CMC2: variants seen among roughly 807,000 people sequenced by gnomAD.
CMC2 encodes the protein C-X9-C motif containing 2.
Under a neutral mutation model 7.5 loss-of-function variants are expected in CMC2, and 5 were observed. The observed-to-expected ratio is 0.66, with a 90% CI of 0.35 to 1.40. The LOEUF (loss-of-function observed/expected upper bound fraction) is 1.40. CMC2 is among the 40% of genes most tolerant of loss of function. The probability of loss-of-function intolerance (pLI) is 0.04; values close to 1 mark genes in which losing one functional copy is unlikely to be tolerated. For missense variants in CMC2, 115 were observed against 92.3 expected (o/e 1.25, Z -1.01); for synonymous variants, 37 against 31.4 (o/e 1.18, Z -0.60).
At chr16:80,986,391 G>C (rs889631369) in intron 2 of CMC2, among the ~76,000 whole-genome samples, 4 of 151,730 alleles carry the variant, frequency 2.6e-5, no homozygotes, top group Non-Finnish European at 5.9e-5. Context: ...ATTCCTAACA[G>C]CTACAGTGAG....
chr16:81,000,880 AG>A (rs1968815472), intron 1 of CMC2, among the ~76,000 whole-genome samples: 1 of 152,254 alleles, frequency 6.6e-6, no homozygotes, highest in South Asian at 2.1e-4. Context: ...TTTTACAAAA[AG>A]AAAAACATGC....
At chr16:80,993,177 C>G (rs1358276143) in intron 2 of CMC2, among the ~76,000 whole-genome samples, 2 of 152,180 alleles carry the variant, frequency 1.3e-5, no homozygotes, top group African/African-American at 4.8e-5. Context: ...ACTTCTGCTT[C>G]TAGCCATGAA....
intron 2 of CMC2, among the ~76,000 whole-genome samples, chr16:80,990,258 T>C (rs568956653): frequency 6.6e-6 from 1 of 151,998 alleles, no homozygotes; most frequent in African/African-American, 2.4e-5. Context: ...GCAACCTCTG[T>C]CTCCCAGGTT....
At chr16:80,994,351 C>T (rs1968239555) in intron 2 of CMC2, among the ~76,000 whole-genome samples, 1 of 148,518 alleles carries the variant, frequency 6.7e-6, no homozygotes, top group Non-Finnish European at 1.5e-5. Flanking sequence ...CCTTAAGACA[C>T]AAAAAGCACA....
At chr16:80,988,165 CAG>C (rs1967687087) in intron 2 of CMC2, among the ~76,000 whole-genome samples, 2 of 152,282 alleles carry the variant, frequency 1.3e-5, no homozygotes, top group South Asian at 2.1e-4. Context: ...GCCTGGGTGA[CAG>C]AGTGAGACAT....
chr16:81,004,336 C>T (rs1969084821), intron 1 of CMC2, among the ~76,000 whole-genome samples: 1 of 152,170 alleles, frequency 6.6e-6, no homozygotes, highest in African/African-American at 2.4e-5. Context: ...TCCATTCAAA[C>T]TGTTATTATT....
chr16:80,992,635 T>C (rs553950108), intron 2 of CMC2, among the ~76,000 whole-genome samples: 18 of 151,252 alleles, frequency 1.2e-4, no homozygotes, highest in African/African-American at 2.4e-5. Flanking sequence ...CATCTTTTCT[T>C]TTTTTTTTAA....
At chr16:80,979,511 CTA>C (rs916497068) in intron 3 of CMC2, among the ~76,000 whole-genome samples, 3 of 151,770 alleles carry the variant, frequency 2.0e-5, no homozygotes, top group African/African-American at 7.3e-5. Context: ...TGAAAAAAAC[CTA>C]TGTTATACAG....
At position 80,968,948 on chromosome 16, in the gene CMC2, G is replaced by T. The variant is rs1911734198; in HGVS notation, c.*7145C>A. 1 of 152,234 alleles carries T rather than the reference G, an allele frequency of 6.6e-6. No individual in the cohort carries two copies. Among genetic ancestry groups the T allele is most frequent in the Non-Finnish European group, 1.5e-5 (1 of 68,042 alleles). The allele number at this position is 152,234 out of a possible 1,614,324, so 9.4% of individuals were successfully genotyped here. A position where few individuals can be genotyped will look rare whatever the true frequency, so the allele number is the denominator to read the frequency against. On this transcript the variant is annotated 3_prime_UTR_variant, in exon 4 of 4. Transcript: ENST00000219400. ...ACAAGAATATCACATAAAGCCAGGA[G>T]ATGGTAATCCTCTAAGAAAACATTA...
rs1781434782 is a variant in CMC2 at position 80,972,343 on chromosome 16, G to A, written c.*3750C>T. The A allele has an allele frequency of 6.8e-6, 1 of 146,102 alleles. No homozygotes were observed. Among genetic ancestry groups the A allele is most frequent in the Admixed American group, 6.8e-5 (1 of 14,742 alleles). 9.1% of individuals were successfully genotyped at this position (146,102 alleles called of 1,614,324 possible). On this transcript the variant is annotated 3_prime_UTR_variant, in exon 4 of 4. Transcript: ENST00000219400. Reference sequence around the variant, plus strand: ...GTGTAGTGAAAGGAGCAACTCCCTTGGGACAGTGAGGATTTTTTGTTTTTC... The same window carrying A: ...GTGTAGTGAAAGGAGCAACTCCCTTAGGACAGTGAGGATTTTTTGTTTTTC...
chr16:80,995,272 TACTACTCAGAAATAAAAATA>T, intron 2 of CMC2, among the ~76,000 whole-genome samples: 1 of 46,808 alleles, frequency 2.1e-5, no homozygotes, highest in Admixed American at 3.0e-4. Flanking sequence ...TACAATGAAC[TACTACTCAGAAATAAAAATA>T]AATGAACTAA....
intron 1 of CMC2, among the ~76,000 whole-genome samples, chr16:81,004,856 C>G (rs962673346): frequency 6.6e-6 from 1 of 152,336 alleles, no homozygotes; most frequent in South Asian, 2.1e-4. Context: ...CAAGAGCCAG[C>G]GCTGTATTAA....
At chr16:81,002,810 A>C (rs1282019790) in intron 1 of CMC2, among the ~76,000 whole-genome samples, 1 of 152,216 alleles carries the variant, frequency 6.6e-6, no homozygotes, top group Non-Finnish European at 1.5e-5. Flanking sequence ...ACAAATAATA[A>C]TTGTATATAT....
At chr16:81,002,771 T>C (rs1371351380) in intron 1 of CMC2, among the ~76,000 whole-genome samples, 1 of 152,240 alleles carries the variant, frequency 6.6e-6, no homozygotes, top group East Asian at 1.9e-4. Flanking sequence ...TCCCTTCTAA[T>C]TCACATTATT....
intron 1 of CMC2, among the ~76,000 whole-genome samples, chr16:81,003,267 A>G (rs1435635211): frequency 6.6e-6 from 1 of 152,268 alleles, no homozygotes; most frequent in Non-Finnish European, 1.5e-5. Flanking sequence ...CTCAAAATAT[A>G]TTTAACAAAC....
rs74586710 is a variant in CMC2 at position 80,985,583 on chromosome 16, A to C, written c.82-3706T>G. On this transcript the variant is annotated intron_variant, in intron 2 of 3. Coordinates refer to ENST00000219400, the MANE Select transcript of CMC2 (RefSeq NM_020188.5). ...TTCTAATCCAATAAATATTGTAGAT[A>C]TCACCCACATAAACAATAGCTCCCT... 4.6e-3 allele frequency among the ~76,000 whole-genome samples: 697 copies of C among 152,270 alleles called. 5 individuals carry two copies. The highest frequency in any genetic ancestry group is 0.014 in the Middle Eastern group (4 of 294).
Position 80,971,566 on chromosome 16 carries a change from A to T in CMC2, c.*4527T>A, listed in dbSNP as rs973419157. On this transcript the variant is annotated 3_prime_UTR_variant, in exon 4 of 4. Transcript: ENST00000219400. ...ATGGATACTGACATACATACATTTT[A>T]TATATATATATATATATATGTATGA... 8.5e-5 allele frequency: 10 copies of T among 117,324 alleles called. 1 individual carries two copies. Among genetic ancestry groups the T allele is most frequent in the East Asian group, 2.9e-4 (1 of 3,460 alleles). The allele number at this position is 117,324 out of a possible 1,614,324, so 7.3% of individuals were successfully genotyped here.
At chr16:80,992,587 T>C (rs896286798) in intron 2 of CMC2, among the ~76,000 whole-genome samples, 1 of 152,176 alleles carries the variant, frequency 6.6e-6, no homozygotes, top group Non-Finnish European at 1.5e-5. Context: ...TGTATTTCTC[T>C]AATTATTGAG....
intron 2 of CMC2, among the ~76,000 whole-genome samples, chr16:80,989,358 A>G (rs1454705746): frequency 6.6e-6 from 1 of 152,208 alleles, no homozygotes; most frequent in African/African-American, 2.4e-5. Context: ...ATATATTTAT[A>G]TGAGTTTGGA....
Sources: allele counts gnomAD v4.1 joint callset (sites outside exome capture counted in the v4.1 genomes callset), GRCh38; gene constraint gnomAD v4.1.1; transcripts MANE v1.5; gene names NCBI Gene and HGNC (gene_info 2026-07-23, HGNC 2026-07-21).